The following DOCK7 variants were observed in gnomAD, a reference collection of about 807,000 sequenced individuals.
DOCK7 encodes dedicator of cytokinesis protein 7.
DOCK7 carries 138 observed loss-of-function variants against 271.0 expected under a neutral mutation model. The observed-to-expected ratio is 0.51, with a 90% CI of 0.44 to 0.59. The LOEUF (loss-of-function observed/expected upper bound fraction) is 0.59, where lower values mean the gene tolerates loss of function less well. Ranked by LOEUF, DOCK7 falls within the 20% of genes least tolerant of loss-of-function variation. The pLI is 0.00. For missense variants in DOCK7, 2,066 were observed against 2,592.4 expected (o/e 0.80, Z 4.41); for synonymous variants, 823 against 876.1 (o/e 0.94, Z 1.07).
chr1:62,593,946 T>C (rs560098414), intron 14 of DOCK7, among the ~76,000 whole-genome samples: 2 of 152,176 alleles, frequency 1.3e-5, no homozygotes, highest in Non-Finnish European at 2.9e-5. Flanking sequence ...CTCCATAAGA[T>C]TACACAACCT....
At chr1:62,606,784 C>T (rs1191276357) in intron 14 of DOCK7, among the ~76,000 whole-genome samples, 1 of 152,102 alleles carries the variant, frequency 6.6e-6, no homozygotes, top group African/African-American at 2.4e-5. Context: ...CTCACGGACT[C>T]CTTTATTTAC....
At chr1:62,481,698 T>C (rs1347937044) in intron 43 of DOCK7, 2 of 152,232 alleles carry the variant, frequency 1.3e-5, no homozygotes, top group African/African-American at 2.4e-5. Context: ...TCCACAATCC[T>C]CTGGGTGATA....
intron 14 of DOCK7, 117 bp downstream of exon 14, chr1:62,618,589 G>T: frequency 1.2e-6 from 1 of 869,540 alleles, no homozygotes; most frequent in Non-Finnish European, 1.8e-6. Flanking sequence ...TGCGGTAAGA[G>T]ATAGAGTTAA....
chr1:62,602,687 AAGT>A (rs1215330423), intron 14 of DOCK7, among the ~76,000 whole-genome samples: 1 of 151,720 alleles, frequency 6.6e-6, no homozygotes, highest in African/African-American at 2.4e-5. Flanking sequence ...GTTATGTCAT[AAGT>A]AGTAACTGTT....
At chr1:62,625,641 G>C (rs931276467) in intron 11 of DOCK7, among the ~76,000 whole-genome samples, 5 of 152,128 alleles carry the variant, frequency 3.3e-5, no homozygotes, top group African/African-American at 9.7e-5. Flanking sequence ...CTATGGGCAT[G>C]ACCAATGATG....
At chr1:62,457,788 C>T in intron 48 of DOCK7, 83 bp from the exon 49 acceptor site, 36 of 1,245,806 alleles carry the variant, frequency 2.9e-5, no homozygotes, top group Middle Eastern at 2.0e-4. Flanking sequence ...AATACATATA[C>T]ATATATATGT....
At chr1:62,558,209 T>C (rs1364565656) in intron 20 of DOCK7, among the ~76,000 whole-genome samples, 4 of 152,182 alleles carry the variant, frequency 2.6e-5, no homozygotes, top group African/African-American at 7.2e-5. Context: ...CTGTGTACTA[T>C]GTACATGCTG....
At chr1:62,546,759 T>C (rs977753333) in intron 22 of DOCK7, among the ~76,000 whole-genome samples, 1 of 152,096 alleles carries the variant, frequency 6.6e-6, no homozygotes, top group South Asian at 2.1e-4. Flanking sequence ...AAATAAAATA[T>C]CTGCCTTCTC....
At position 62,586,510 on chromosome 1, in the gene DOCK7, C is replaced by CA; in HGVS notation, c.1796dup (p.Met599IlefsTer7). The stretch of plus-strand genomic sequence containing the variant: ...AAAGTAAAAGAACATTTCTTACCGG[C>CA]ATGGCATTGCTTGGATCCTCTCCAT... On this transcript the variant is annotated frameshift_variant, in exon 15 of 50. Transcript: ENST00000635253. LOFTEE classifies it high-confidence loss of function. 1 of 1,590,020 alleles carries CA rather than the reference C, an allele frequency of 6.3e-7. No homozygotes were observed. Among genetic ancestry groups the CA allele is most frequent in the Non-Finnish European group, 8.6e-7 (1 of 1,164,252 alleles).
At chr1:62,554,954 A>G (rs1473394247) in intron 21 of DOCK7, among the ~76,000 whole-genome samples, 2 of 152,240 alleles carry the variant, frequency 1.3e-5, no homozygotes, top group East Asian at 3.8e-4. Flanking sequence ...GAACGTCACA[A>G]TTATTAGTCA....
intron 43 of DOCK7, chr1:62,484,643 C>T (rs987775819): frequency 2.0e-5 from 3 of 152,098 alleles, no homozygotes; most frequent in Admixed American, 1.3e-4. Flanking sequence ...TGCACAACAC[C>T]ATACCTGGCC....
At chr1:62,578,475 T>G (rs944581294) in intron 17 of DOCK7, among the ~76,000 whole-genome samples, 3 of 152,068 alleles carry the variant, frequency 2.0e-5, no homozygotes, top group African/African-American at 7.2e-5. Context: ...ATCCTAGCAC[T>G]TTGGGAGGCC....
chr1:62,555,043 G>C (rs922956047), intron 21 of DOCK7, among the ~76,000 whole-genome samples: 3 of 152,170 alleles, frequency 2.0e-5, no homozygotes, highest in South Asian at 2.1e-4. Context: ...ACATGTATGT[G>C]AGTAGGTTAA....
intron 29 of DOCK7, among the ~76,000 whole-genome samples, chr1:62,531,100 C>T (rs1645161586): frequency 6.6e-6 from 1 of 152,198 alleles, no homozygotes; most frequent in Non-Finnish European, 1.5e-5. Context: ...ATTCTCTTCT[C>T]AGGATTTTCT....
chr1:62,651,230 G>A (rs1316237810), intron 4 of DOCK7, among the ~76,000 whole-genome samples: 1 of 146,848 alleles, frequency 6.8e-6, no homozygotes, highest in African/African-American at 2.5e-5. Context: ...TCACTCACAG[G>A]TGAGAATTGA....
chr1:62,509,294 C>T (rs1382417630), intron 34 of DOCK7, among the ~76,000 whole-genome samples: 2 of 106,244 alleles, frequency 1.9e-5, no homozygotes, highest in Non-Finnish European at 3.5e-5. Flanking sequence ...GCCTGAGTGA[C>T]AGAGTGAGAT....
At chr1:62,612,828 A>G (rs1366716117) in intron 14 of DOCK7, among the ~76,000 whole-genome samples, 1 of 152,182 alleles carries the variant, frequency 6.6e-6, no homozygotes, top group East Asian at 1.9e-4. Context: ...TTTGCTAGAT[A>G]TAGTCTTTCA....
chr1:62,624,983 C>CA (rs1188917378), intron 12 of DOCK7: 861 of 210,912 alleles, frequency 4.1e-3, no homozygotes, highest in East Asian at 7.9e-3. Flanking sequence ...GAAAAAAAAA[C>CA]AAAAAAAAAC....
chr1:62,628,906 C>G (rs1654270074), intron 11 of DOCK7: 1 of 152,074 alleles, frequency 6.6e-6, no homozygotes, highest in South Asian at 2.1e-4. Context: ...AGACCAAAGC[C>G]ATTAAAAAAT....
Sources: allele counts gnomAD v4.1 joint callset (sites outside exome capture counted in the v4.1 genomes callset), GRCh38; gene constraint gnomAD v4.1.1; transcripts MANE v1.5; gene names NCBI Gene and HGNC (gene_info 2026-07-23, HGNC 2026-07-21).